CLVS1: variants seen among roughly 807,000 people sequenced by gnomAD.
CLVS1 encodes the protein clavesin-1.
A neutral mutation model predicts 33.1 loss-of-function variants in CLVS1; 10 were observed. The ratio of observed to expected loss-of-function variants is 0.30; its 90% confidence interval spans 0.19 to 0.51. The LOEUF (loss-of-function observed/expected upper bound fraction) is 0.51. CLVS1 is among the 20% of genes least tolerant of loss of function. CLVS1 has a pLI of 0.97. For missense variants in CLVS1, 343 were observed against 433.4 expected, an observed-to-expected ratio of 0.79 and a Z score of 1.85; for synonymous variants, 163 against 166.1, an observed-to-expected ratio of 0.98 and a Z score of 0.14.
intron 2 of CLVS1, among the ~76,000 whole-genome samples, chr8:61,324,422 A>G (rs985969780): frequency 1.3e-5 from 2 of 152,148 alleles, no homozygotes; most frequent in African/African-American, 4.8e-5. Flanking sequence ...CTCCCCAGAC[A>G]TGTGGAACTG....
At chr8:61,164,550 C>T (rs529380349) in intron 2 of CLVS1, among the ~76,000 whole-genome samples, 4 of 152,142 alleles carry the variant, frequency 2.6e-5, no homozygotes, top group Admixed American at 1.3e-4. Flanking sequence ...AACATCATGG[C>T]GCCCTGAATT....
chr8:61,050,157 A>T, the CLVS1 span, among the ~76,000 whole-genome samples: 1 of 151,540 alleles, frequency 6.6e-6, no homozygotes, highest in African/African-American at 2.4e-5. Flanking sequence ...ATTCCCATTC[A>T]TGTCTTTAAT....
chr8:61,017,534 A>G, the CLVS1 span, among the ~76,000 whole-genome samples: 3 of 152,240 alleles, frequency 2.0e-5, no homozygotes, highest in Non-Finnish European at 4.4e-5. Flanking sequence ...ATCATCTATC[A>G]TTTCCAATTT....
chr8:61,319,046 C>A (rs1286039306), intron 2 of CLVS1, among the ~76,000 whole-genome samples: 23 of 151,938 alleles, frequency 1.5e-4, no homozygotes. Flanking sequence ...ATATTTTAAA[C>A]ATACATATTT....
intron 2 of CLVS1, among the ~76,000 whole-genome samples, chr8:61,233,770 C>T (rs1346858684): frequency 2.0e-5 from 3 of 152,232 alleles, no homozygotes; most frequent in African/African-American, 4.8e-5. Context: ...AGGAGACAAG[C>T]GTACATCCTT....
chr8:61,362,692 T>C (rs914121484), intron 2 of CLVS1, among the ~76,000 whole-genome samples: 1 of 152,196 alleles, frequency 6.6e-6, no homozygotes, highest in African/African-American at 2.4e-5. Flanking sequence ...TTACCTCCAG[T>C]TGAAGATCAC....
At chr8:61,267,399 A>G (rs1052660708) in intron 2 of CLVS1, among the ~76,000 whole-genome samples, 11 of 152,210 alleles carry the variant, frequency 7.2e-5, no homozygotes, top group African/African-American at 2.7e-4. Context: ...AAAATAGAAT[A>G]AAATAAGCCA....
In CLVS1 at chr8:61,327,053, G is replaced by C. The variant is rs1241756564; in HGVS notation, c.455+26771G>C. 2.6e-5 allele frequency among the ~76,000 whole-genome samples: 4 copies of C among 152,224 alleles called. No individual in the cohort carries two copies. The East Asian group carries it at 7.7e-4, about 29-fold the overall frequency. ...AGTGAGCTAAAGTAGATCTCTTTAT[G>C]CTGGAAGATTCACACATATGAATAT... On this transcript the variant is annotated intron_variant, in intron 2 of 5. Coordinates refer to ENST00000325897, the MANE Select transcript of CLVS1 (RefSeq NM_173519.3).
chr8:61,340,551 T>C (rs541757677), intron 2 of CLVS1, among the ~76,000 whole-genome samples: 1 of 152,322 alleles, frequency 6.6e-6, no homozygotes, highest in Non-Finnish European at 1.5e-5. Flanking sequence ...TATTCATATA[T>C]ATATATATAC....
intron 2 of CLVS1, among the ~76,000 whole-genome samples, chr8:61,354,565 C>T (rs1304629403): frequency 6.6e-6 from 1 of 151,910 alleles, no homozygotes; most frequent in Non-Finnish European, 1.5e-5. Flanking sequence ...ATAGCCAAAA[C>T]CCAAAATCAG....
intron 2 of CLVS1, among the ~76,000 whole-genome samples, chr8:61,180,720 C>T (rs553274464): frequency 3.3e-5 from 5 of 152,180 alleles, no homozygotes; most frequent in Admixed American, 2.6e-4. Context: ...ATCACATAAA[C>T]GAACCAAAGA....
At chr8:61,038,631 A>G in the CLVS1 span, among the ~76,000 whole-genome samples, 2 of 152,148 alleles carry the variant, frequency 1.3e-5, no homozygotes, top group Non-Finnish European at 2.9e-5. Context: ...GCAAACTACA[A>G]GGATGTAAAG....
the CLVS1 span, among the ~76,000 whole-genome samples, chr8:61,044,155 A>C: frequency 1.4e-4 from 22 of 152,336 alleles, no homozygotes; most frequent in African/African-American, 5.3e-4. Flanking sequence ...AGCAGATGCC[A>C]TGGTCCTAGA....
At chr8:61,352,249 G>A (rs1020879872) in intron 2 of CLVS1, among the ~76,000 whole-genome samples, 1 of 151,968 alleles carries the variant, frequency 6.6e-6, no homozygotes, top group South Asian at 2.1e-4. Flanking sequence ...CAATCACTAT[G>A]AATATCATGT....
chr8:61,139,199 G>C (rs1434574766), intron 2 of CLVS1, among the ~76,000 whole-genome samples: 1 of 152,114 alleles, frequency 6.6e-6, no homozygotes, highest in Non-Finnish European at 1.5e-5. Context: ...GGTGGCGCCG[G>C]CTGCCAGCAG....
chr8:61,099,947 A>G (rs2129286272), intron 1 of CLVS1, among the ~76,000 whole-genome samples: 1 of 152,356 alleles, frequency 6.6e-6, no homozygotes, highest in East Asian at 1.9e-4. Flanking sequence ...GACAATAAGC[A>G]CAATAGAAAT....
At chr8:61,313,391 T>A (rs2129595633) in intron 2 of CLVS1, among the ~76,000 whole-genome samples, 1 of 152,096 alleles carries the variant, frequency 6.6e-6, no homozygotes, top group South Asian at 2.1e-4. Context: ...GCTGAGGAGG[T>A]GGGCTGAGGC....
intron 2 of CLVS1, among the ~76,000 whole-genome samples, chr8:61,156,536 C>T (rs1225255505): frequency 2.0e-5 from 3 of 152,032 alleles, no homozygotes; most frequent in Non-Finnish European, 4.4e-5. Flanking sequence ...AAAGTCAATA[C>T]AATTTATAGA....
chr8:61,266,637 AG>A (rs2129592472), intron 2 of CLVS1, among the ~76,000 whole-genome samples: 1 of 152,256 alleles, frequency 6.6e-6, no homozygotes, highest in African/African-American at 2.4e-5. Context: ...GTAAAAGAAA[AG>A]CCCTTTTTGC....
Sources: gnomAD v4.1 joint callset for allele counts (sites outside exome capture counted in the v4.1 genomes callset) on GRCh38, gnomAD v4.1.1 for gene constraint, MANE v1.5 for transcripts, NCBI Gene and HGNC (gene_info 2026-07-23, HGNC 2026-07-21) for gene names.